KAZN: variants seen among roughly 807,000 people sequenced by gnomAD.
The protein encoded by KAZN is kazrin, periplakin interacting protein, also known as kazrin.
A neutral mutation model predicts 87.4 loss-of-function variants in KAZN; 40 were observed. That is an observed-to-expected ratio of 0.46 (90% CI 0.36 to 0.60). The LOEUF is 0.60. Among genes scored for constraint, KAZN ranks in the 20% least tolerant of loss-of-function variants. The pLI, the probability that KAZN is intolerant of heterozygous loss-of-function variation, is 0.00. For synonymous variants in KAZN, 466 were observed against 458.3 expected (o/e 1.02, Z -0.22); for missense variants, 898 against 1,073.9 (o/e 0.84, Z 2.29).
intron 1 of KAZN, among the ~76,000 whole-genome samples, chr1:14,937,161 G>A (rs1285887012): frequency 6.6e-6 from 1 of 152,206 alleles, no homozygotes; most frequent in Non-Finnish European, 1.5e-5. Flanking sequence ...CCAGAGGACA[G>A]CGTGGCAGAG....
chr1:14,690,973 A>G (rs370143679), intron 1 of KAZN, among the ~76,000 whole-genome samples: 28 of 152,268 alleles, frequency 1.8e-4, no homozygotes, highest in Middle Eastern at 6.8e-3. Flanking sequence ...AAACAAATGC[A>G]TGTTTTCATA....
At chr1:14,044,484 AC>A (rs1641974386) in intron 1 of KAZN, among the ~76,000 whole-genome samples, 1 of 152,092 alleles carries the variant, frequency 6.6e-6, no homozygotes, top group Non-Finnish European at 1.5e-5. Flanking sequence ...CAATAATAAT[AC>A]CTACTATGGG....
chr1:14,021,244 C>T (rs1640811162), intron 1 of KAZN, among the ~76,000 whole-genome samples: 1 of 152,238 alleles, frequency 6.6e-6, no homozygotes, highest in Non-Finnish European at 1.5e-5. Flanking sequence ...TGCCAAATGC[C>T]CCACGGTGGG....
At chr1:14,241,841 T>TA (rs1300512914) in intron 2 of KAZN, among the ~76,000 whole-genome samples, 2 of 152,178 alleles carry the variant, frequency 1.3e-5, no homozygotes, top group South Asian at 2.1e-4. Flanking sequence ...ATCTGTCTCT[T>TA]AAAAAAATTC....
chr1:13,917,797 C>CAA (rs35268955), intron 1 of KAZN, among the ~76,000 whole-genome samples: 3,286 of 77,814 alleles, frequency 0.042, 236 homozygotes, highest in African/African-American at 0.16. Flanking sequence ...CCTGTGTCAT[C>CAA]AAAAAAAAAA....
chr1:14,123,441 A>G (rs1474021041), intron 1 of KAZN, among the ~76,000 whole-genome samples: 1 of 152,186 alleles, frequency 6.6e-6, no homozygotes, highest in African/African-American at 2.4e-5. Flanking sequence ...CTGTGACTCC[A>G]GTTTTCCTCA....
intron 2 of KAZN, among the ~76,000 whole-genome samples, chr1:14,271,115 C>A (rs1018725567): frequency 2.6e-5 from 4 of 152,202 alleles, no homozygotes; most frequent in Non-Finnish European, 4.4e-5. Flanking sequence ...TTGCAAATGG[C>A]GTCTTCTCCC....
At chr1:15,050,859 T>C (rs930650827) in intron 4 of KAZN, among the ~76,000 whole-genome samples, 1 of 152,202 alleles carries the variant, frequency 6.6e-6, no homozygotes, top group Non-Finnish European at 1.5e-5. Context: ...CCTTAGTCAT[T>C]GGTCCTTGGT....
At chr1:14,186,241 ATG>A (rs1646304157) in intron 2 of KAZN, among the ~76,000 whole-genome samples, 1 of 152,192 alleles carries the variant, frequency 6.6e-6, no homozygotes. Context: ...AATGGAATTT[ATG>A]CTGGTCTAAT....
rs1349959021 is a variant in KAZN, at chr1:14,820,005, G to T, written c.227-140679G>T. 6.6e-6 allele frequency among the ~76,000 whole-genome samples: 1 copy of T among 151,682 alleles called. No homozygotes were observed. Among genetic ancestry groups the T allele is most frequent in the African/African-American group, 2.4e-5 (1 of 41,304 alleles). Reference sequence around the variant, plus strand: ...GATGTAGGCATAAGCCACTGTGCCTGGCCCGAAAAAAAATCTATTTATATA... The same window carrying T: ...GATGTAGGCATAAGCCACTGTGCCTTGCCCGAAAAAAAATCTATTTATATA... On this transcript the variant is annotated intron_variant, in intron 1 of 14. Coordinates refer to ENST00000376030, the MANE Select transcript of KAZN (RefSeq NM_201628.3). This position sits in a 1 kb window ranked among gnomAD's most constrained non-coding sequence, Gnocchi z 4.1.
intron 2 of KAZN, among the ~76,000 whole-genome samples, chr1:14,183,234 A>G (rs1646235501): frequency 6.6e-6 from 1 of 152,208 alleles, no homozygotes; most frequent in Non-Finnish European, 1.5e-5. Flanking sequence ...GAGGATTATA[A>G]AACAATGTGC....
At chr1:14,336,347 T>A (rs1025204641) in intron 2 of KAZN, among the ~76,000 whole-genome samples, 1 of 152,242 alleles carries the variant, frequency 6.6e-6, no homozygotes, top group Admixed American at 6.5e-5. Flanking sequence ...AATATATCAC[T>A]GAGTGTTTCT....
chr1:14,154,349 T>A (rs1163934805), intron 1 of KAZN, among the ~76,000 whole-genome samples: 1 of 152,250 alleles, frequency 6.6e-6, no homozygotes. Flanking sequence ...TTATTTTGTA[T>A]CCTGCAGCTT....
chr1:14,501,761 G>A (rs972254344), intron 2 of KAZN, among the ~76,000 whole-genome samples: 5 of 152,110 alleles, frequency 3.3e-5, no homozygotes, highest in Admixed American at 6.5e-5. Flanking sequence ...ACAAAATCCC[G>A]GCTGTAATCA....
At chr1:14,061,604 C>A (rs1001297856) in intron 1 of KAZN, among the ~76,000 whole-genome samples, 3 of 152,212 alleles carry the variant, frequency 2.0e-5, no homozygotes, top group African/African-American at 4.8e-5. Context: ...ACCCTGAGGG[C>A]AACAGGGAGC....
At chr1:14,122,143 G>A (rs1421613319) in intron 1 of KAZN, among the ~76,000 whole-genome samples, 1 of 152,212 alleles carries the variant, frequency 6.6e-6, no homozygotes, top group Non-Finnish European at 1.5e-5. Flanking sequence ...AGACCCAGGT[G>A]AGAGGTGATG....
At chr1:14,678,046 A>C (rs1310478837) in intron 1 of KAZN, among the ~76,000 whole-genome samples, 3 of 152,170 alleles carry the variant, frequency 2.0e-5, no homozygotes, top group Admixed American at 6.5e-5. Flanking sequence ...ACTGAGAGGC[A>C]AGGGGCTCTG....
At chr1:14,974,828 A>G (rs2101859155) in intron 2 of KAZN, among the ~76,000 whole-genome samples, 1 of 152,332 alleles carries the variant, frequency 6.6e-6, no homozygotes, top group South Asian at 2.1e-4. Flanking sequence ...AAACTGGGTG[A>G]TGGGTATTTT....
chr1:14,816,819 T>G (rs901928873), intron 1 of KAZN, among the ~76,000 whole-genome samples: 1 of 152,138 alleles, frequency 6.6e-6, no homozygotes, highest in Non-Finnish European at 1.5e-5. Flanking sequence ...GATAGATGGA[T>G]GAATGGATGG....
Sources: allele counts gnomAD v4.1 joint callset (sites outside exome capture counted in the v4.1 genomes callset), GRCh38; gene constraint gnomAD v4.1.1; non-coding constraint Gnocchi (gnomAD v3.1); transcripts MANE v1.5; gene names NCBI Gene and HGNC (gene_info 2026-07-23, HGNC 2026-07-21).